DHRSX: variants seen among roughly 807,000 people sequenced by gnomAD.
DHRSX encodes the protein dehydrogenase/reductase X-linked.
In DHRSX, 31 loss-of-function variants were observed where a neutral mutation model predicts 34.0. The observed-to-expected ratio is 0.91, with a 90% CI of 0.69 to 1.23. The LOEUF (loss-of-function observed/expected upper bound fraction) is 1.23. Among genes scored for constraint, DHRSX ranks in the 50% most tolerant of loss-of-function variants. The pLI is 0.00. For missense variants in DHRSX, 414 were observed against 428.1 expected (o/e 0.97, Z 0.29); for synonymous variants, 201 against 183.8 (o/e 1.09, Z -0.76).
chrX:2,469,321 ACCG>A (rs1273332141), intron 1 of DHRSX, among the ~76,000 whole-genome samples: 5 of 150,702 alleles, frequency 3.3e-5, no homozygotes, highest in Non-Finnish European at 5.9e-5. Context: ...TGGATAAGGG[ACCG>A]CCGCCATGTA....
At chrX:2,466,799 C>T (rs1034466332) in intron 1 of DHRSX, among the ~76,000 whole-genome samples, 12 of 152,038 alleles carry the variant, frequency 7.9e-5, no homozygotes, top group Non-Finnish European at 1.6e-4. Context: ...AGGCTGGGGG[C>T]GGTGATTCAT....
intron 6 of DHRSX, among the ~76,000 whole-genome samples, chrX:2,231,280 C>T (rs73626169): frequency 1.3e-5 from 2 of 152,050 alleles, no homozygotes; most frequent in Admixed American, 6.6e-5. Flanking sequence ...TTGGACAAAA[C>T]GGCCCTTCCC....
At chrX:2,346,912 T>A (rs1252154570) in intron 3 of DHRSX, among the ~76,000 whole-genome samples, 2 of 152,078 alleles carry the variant, frequency 1.3e-5, no homozygotes, top group African/African-American at 4.8e-5. Context: ...TGGTTTTCTG[T>A]CCTTGTGATA....
chrX:2,479,428 T>G (rs937605297), intron 1 of DHRSX, among the ~76,000 whole-genome samples: 19 of 146,866 alleles, frequency 1.3e-4, no homozygotes, highest in African/African-American at 4.6e-4. Flanking sequence ...ACTGACGACA[T>G]TCCGTAAGAA....
chrX:2,292,846 TGTTA>T (rs2041882712), intron 3 of DHRSX, among the ~76,000 whole-genome samples: 1 of 151,826 alleles, frequency 6.6e-6, no homozygotes, highest in South Asian at 2.1e-4. Context: ...CTGCTCAGTC[TGTTA>T]TTTTGTTACA....
chrX:2,265,436 G>A (rs1362412494), intron 5 of DHRSX, among the ~76,000 whole-genome samples: 1 of 130,660 alleles, frequency 7.7e-6, no homozygotes. Context: ...CAGAGCACCA[G>A]TGTCCAGCAG....
chrX:2,303,877 G>GTGGATGGATGGATGGA (rs1391288726), intron 3 of DHRSX, among the ~76,000 whole-genome samples: 1 of 56,206 alleles, frequency 1.8e-5, no homozygotes, highest in African/African-American at 5.9e-5. Context: ...GGGTGGATGG[G>GTGGATGGATGGATGGA]TGGATGGATG....
intron 4 of DHRSX, among the ~76,000 whole-genome samples, chrX:2,287,910 T>G (rs1227692038): frequency 2.0e-5 from 3 of 152,080 alleles, no homozygotes; most frequent in African/African-American, 7.2e-5. Flanking sequence ...TATTCCCAAT[T>G]TGGAAGAGTA....
At chrX:2,435,383 T>C (rs1313521526) in intron 1 of DHRSX, among the ~76,000 whole-genome samples, 1 of 151,806 alleles carries the variant, frequency 6.6e-6, no homozygotes, top group Non-Finnish European at 1.5e-5. Flanking sequence ...CTGGGGGAAG[T>C]AGACACAAGA....
chrX:2,263,236 C>A (rs1360723325), intron 5 of DHRSX, among the ~76,000 whole-genome samples: 1 of 152,164 alleles, frequency 6.6e-6, no homozygotes, highest in Admixed American at 6.5e-5. Flanking sequence ...CCTCATCCCC[C>A]GTGAGATGGT....
chrX:2,362,603 C>A (rs369301764), intron 3 of DHRSX, among the ~76,000 whole-genome samples: 1 of 152,122 alleles, frequency 6.6e-6, no homozygotes, highest in African/African-American at 2.4e-5. Context: ...CTGGCCAGGT[C>A]TGCCTTATAA....
intron 3 of DHRSX, among the ~76,000 whole-genome samples, chrX:2,373,127 T>C (rs185864980): frequency 0.023 from 3,534 of 152,214 alleles, 70 homozygotes; most frequent in Admixed American, 0.037. Flanking sequence ...ATGGCTCCTG[T>C]AGGGGAACTT....
chrX:2,409,158 GA>G (rs1365147248), intron 2 of DHRSX, among the ~76,000 whole-genome samples: 10 of 152,224 alleles, frequency 6.6e-5, no homozygotes, highest in Admixed American at 1.3e-4. Flanking sequence ...TGTCAGGATG[GA>G]AACGAATTTT....
intron 3 of DHRSX, among the ~76,000 whole-genome samples, chrX:2,368,666 A>G (rs1334783898): frequency 6.6e-6 from 1 of 152,196 alleles, no homozygotes. Flanking sequence ...CCTGGCCAAC[A>G]TGTCAAAACC....
chrX:2,294,720 G>GAGAC (rs1176040144), intron 3 of DHRSX, among the ~76,000 whole-genome samples: 3 of 150,832 alleles, frequency 2.0e-5, no homozygotes, highest in Non-Finnish European at 3.0e-5. Context: ...CAAACACTGA[G>GAGAC]AGACAGAGAG....
chrX:2,231,585 A>C (rs1459549764), intron 6 of DHRSX, among the ~76,000 whole-genome samples: 16 of 143,942 alleles, frequency 1.1e-4, no homozygotes, highest in East Asian at 2.1e-4. Context: ...CCTCCATCGT[A>C]TCCTCCTTTT....
intron 1 of DHRSX, among the ~76,000 whole-genome samples, chrX:2,464,056 A>G (rs185368307): frequency 2.4e-4 from 36 of 151,880 alleles, no homozygotes; most frequent in South Asian, 2.1e-3. Flanking sequence ...TTCCCTAAGT[A>G]TGTGGCTAAG....
intron 4 of DHRSX, among the ~76,000 whole-genome samples, chrX:2,270,156 C>G (rs190275566): frequency 6.6e-6 from 1 of 152,024 alleles, no homozygotes; most frequent in Non-Finnish European, 1.5e-5. Context: ...GTACATGGAC[C>G]CATTTCCCTA....
chrX:2,282,541 G>C (rs1240481216), intron 4 of DHRSX, among the ~76,000 whole-genome samples: 2 of 144,826 alleles, frequency 1.4e-5, no homozygotes, highest in African/African-American at 5.0e-5. Flanking sequence ...AAAGGAGATA[G>C]GGAGAAGAGG....
Sources: gnomAD v4.1 joint callset for allele counts (sites outside exome capture counted in the v4.1 genomes callset) on GRCh38, gnomAD v4.1.1 for gene constraint, MANE v1.5 for transcripts, NCBI Gene and HGNC (gene_info 2026-07-23, HGNC 2026-07-21) for gene names.